Variants in GLIS3 observed in about 807,000 individuals in gnomAD.
GLIS3 encodes zinc finger protein GLIS3.
A neutral mutation model predicts 78.6 loss-of-function variants in GLIS3; 53 were observed. The ratio of observed to expected loss-of-function variants is 0.67; its 90% CI spans 0.54 to 0.85. The LOEUF is 0.85. GLIS3 is among the 40% of genes least tolerant of loss of function. GLIS3 has a pLI of 0.00. For missense variants in GLIS3, 1,703 were observed against 1,231.1 expected (o/e 1.38, Z -5.74); for synonymous variants, 684 against 509.9 (o/e 1.34, Z -4.60).
chr9:3,860,973 C>T (rs1271738631), intron 8 of GLIS3, among the ~76,000 whole-genome samples: 1 of 152,004 alleles, frequency 6.6e-6, no homozygotes, highest in Non-Finnish European at 1.5e-5. Context: ...GAAATGAATG[C>T]TATGGAGAAA....
At chr9:4,373,548 A>C in the GLIS3 span, among the ~76,000 whole-genome samples, 1 of 152,214 alleles carries the variant, frequency 6.6e-6, no homozygotes, top group African/African-American at 2.4e-5. Flanking sequence ...AATCAATTTG[A>C]AATATTTAAA....
At chr9:4,319,409 G>A (rs961533744) in intron 2 of GLIS3, among the ~76,000 whole-genome samples, 1 of 152,166 alleles carries the variant, frequency 6.6e-6, no homozygotes, top group African/African-American at 2.4e-5. Context: ...GTACATGGAA[G>A]CTCATTATTC....
Position 4,313,191 on chromosome 9 carries a change from G to A in GLIS3, n.265-2663C>T, listed in dbSNP as rs146707055. Among the ~76,000 whole-genome samples, 454 of 152,314 alleles carry A rather than the reference G, an allele frequency of 3.0e-3. 3 individuals are homozygous for A. Among genetic ancestry groups the A allele is most frequent in the African/African-American group, 0.011 (446 of 41,578 alleles). On this transcript the variant is annotated intron_variant and non_coding_transcript_variant, in intron 2 of 4. Coordinates refer to the GLIS3 transcript ENST00000471664. The stretch of plus-strand genomic sequence containing the variant: ...ACAGAATGCCTGGCACATAGTAGGT[G>A]TAGCTGTCATCAAACTCCTCTAATG...
the GLIS3 span, among the ~76,000 whole-genome samples, chr9:4,459,587 G>A: frequency 2.6e-5 from 4 of 152,192 alleles, no homozygotes; most frequent in African/African-American, 9.6e-5. Flanking sequence ...AACACAGTGA[G>A]ACCTCATCAC....
chr9:3,912,439 T>G (rs1194696177), intron 6 of GLIS3, among the ~76,000 whole-genome samples: 2 of 152,140 alleles, frequency 1.3e-5, no homozygotes, highest in South Asian at 4.1e-4. Context: ...ACAACAAAAC[T>G]TTTTAGAACA....
chr9:4,347,606 T>C (rs10974484), intron 1 of GLIS3, among the ~76,000 whole-genome samples: 71,378 of 151,970 alleles, frequency 0.47, 17,949 homozygotes, highest in Non-Finnish European at 0.56. Context: ...AGTTTGAGAA[T>C]TATTGACTCA....
chr9:4,450,966 A>G, the GLIS3 span, among the ~76,000 whole-genome samples: 2 of 152,216 alleles, frequency 1.3e-5, no homozygotes, highest in Admixed American at 6.5e-5. Context: ...ACCAGCTAAC[A>G]TCATAACGAC....
At chr9:3,834,063 C>T (rs543448074) in intron 9 of GLIS3, among the ~76,000 whole-genome samples, 6 of 152,246 alleles carry the variant, frequency 3.9e-5, no homozygotes, top group Middle Eastern at 3.4e-3. Flanking sequence ...AAAACTGAAA[C>T]GTTTTATACA....
At chr9:4,123,668 A>G (rs923330639) in intron 3 of GLIS3, 1 of 391,850 alleles carries the variant, frequency 2.6e-6, no homozygotes, top group Middle Eastern at 6.4e-4. Flanking sequence ...AAAAGTAATT[A>G]AAAACTATGT....
intron 2 of GLIS3, 71 bp from the exon 3 acceptor site, chr9:4,126,012 C>T (rs1019109396): frequency 3.2e-5 from 38 of 1,183,218 alleles, no homozygotes; most frequent in African/African-American, 2.0e-4. Context: ...GACATGTGCA[C>T]GCTTATATCA....
At chr9:4,144,109 G>C (rs112500854) in intron 2 of GLIS3, among the ~76,000 whole-genome samples, 5 of 152,150 alleles carry the variant, frequency 3.3e-5, no homozygotes, top group African/African-American at 1.2e-4. Flanking sequence ...GGACCTCAGG[G>C]GAGAAGGCAA....
chr9:4,375,879 A>G, the GLIS3 span, among the ~76,000 whole-genome samples: 5 of 152,212 alleles, frequency 3.3e-5, no homozygotes, highest in African/African-American at 9.6e-5. Flanking sequence ...ACTTTGGAAT[A>G]GTACAAAGAT....
At chr9:4,309,411 C>T (rs574477838) in intron 3 of GLIS3, among the ~76,000 whole-genome samples, 4 of 152,030 alleles carry the variant, frequency 2.6e-5, no homozygotes, top group African/African-American at 4.8e-5. Flanking sequence ...GTGGTTGGGG[C>T]GGGGGGAGCA....
chr9:3,911,878 T>TC (rs1467510547), intron 6 of GLIS3, among the ~76,000 whole-genome samples: 1 of 152,196 alleles, frequency 6.6e-6, no homozygotes, highest in East Asian at 1.9e-4. Flanking sequence ...CTGTTATCAC[T>TC]CCGTAACATG....
At chr9:3,952,710 A>G (rs1244029782) in intron 4 of GLIS3, among the ~76,000 whole-genome samples, 1 of 152,176 alleles carries the variant, frequency 6.6e-6, no homozygotes, top group Non-Finnish European at 1.5e-5. Context: ...ACAACACATA[A>G]TATCTGAAAC....
chr9:4,353,645 T>C, the GLIS3 span, among the ~76,000 whole-genome samples: 1 of 152,134 alleles, frequency 6.6e-6, no homozygotes, highest in Non-Finnish European at 1.5e-5. Context: ...CGGGCCGTAA[T>C]CTGGAGTAAG....
chr9:4,432,565 T>C, the GLIS3 span, among the ~76,000 whole-genome samples: 9 of 151,930 alleles, frequency 5.9e-5, no homozygotes, highest in African/African-American at 1.9e-4. Flanking sequence ...GAGAAGTATA[T>C]ACACAAGCCT....
At chr9:4,369,954 G>A in the GLIS3 span, among the ~76,000 whole-genome samples, 1 of 152,134 alleles carries the variant, frequency 6.6e-6, no homozygotes, top group Non-Finnish European at 1.5e-5. Flanking sequence ...CATTTTGGGA[G>A]GCCGAGGCAG....
At chr9:4,363,390 T>G in the GLIS3 span, among the ~76,000 whole-genome samples, 1 of 152,196 alleles carries the variant, frequency 6.6e-6, no homozygotes, top group Non-Finnish European at 1.5e-5. Flanking sequence ...ACCACTGCAC[T>G]CCTGGGTGAC....
Sources: allele counts gnomAD v4.1 joint callset (sites outside exome capture counted in the v4.1 genomes callset), GRCh38; gene constraint gnomAD v4.1.1; transcripts MANE v1.5; gene names NCBI Gene and HGNC (gene_info 2026-07-23, HGNC 2026-07-21).